The following CCDC149 variants were observed in gnomAD, a reference collection of about 807,000 sequenced individuals.
CCDC149 encodes the protein coiled-coil domain containing 149, also known as coiled-coil domain-containing protein 149.
In CCDC149, 45 loss-of-function variants were observed where a neutral mutation model predicts 59.9. That is an observed-to-expected ratio of 0.75 (90% confidence interval 0.59 to 0.96). The LOEUF (loss-of-function observed/expected upper bound fraction) is 0.96. Ranked by LOEUF, CCDC149 falls within the 40% of genes least tolerant of loss-of-function variation. The pLI is 0.00. For missense variants in CCDC149, 584 were observed against 664.7 expected, an observed-to-expected ratio of 0.88 and a Z score of 1.33; for synonymous variants, 245 against 260.6, an observed-to-expected ratio of 0.94 and a Z score of 0.58.
At chr4:24,897,742 T>C (rs1305052882) in intron 1 of CCDC149, among the ~76,000 whole-genome samples, 31 of 151,434 alleles carry the variant, frequency 2.0e-4, no homozygotes, top group Admixed American at 2.0e-3. Context: ...TGGGCACGAG[T>C]TTGGATTTGG....
rs181320366 is a variant in CCDC149, at chr4:24,927,850, A to G, written c.-64-32732T>C. Among the ~76,000 whole-genome samples, 185 of 151,962 alleles carry G rather than the reference A, an allele frequency of 1.2e-3. 1 individual carries two copies. The highest frequency in any genetic ancestry group is 1.9e-3 in the Non-Finnish European group (126 of 67,980). The stretch of plus-strand genomic sequence containing the variant: ...CCTTAGATCTTTACAGGGGATATAT[A>G]TATGCTTGGCTTGAAAAAAAACTCA... On this transcript the variant is annotated intron_variant, in intron 1 of 12. Coordinates refer to the CCDC149 transcript ENST00000389609.
chr4:24,814,630 T>C (rs1040438241), intron 12 of CCDC149, among the ~76,000 whole-genome samples: 4 of 152,216 alleles, frequency 2.6e-5, no homozygotes, highest in Admixed American at 1.3e-4. Context: ...TCCTGGGTGA[T>C]GTGGGTGCAC....
At chr4:24,815,103 T>C (rs562693977) in intron 12 of CCDC149, among the ~76,000 whole-genome samples, 11 of 152,360 alleles carry the variant, frequency 7.2e-5, no homozygotes, top group African/African-American at 1.7e-4. Flanking sequence ...TATTAAATGT[T>C]TGAATATATG....
At chr4:24,955,675 C>T (rs1316458916) in intron 1 of CCDC149, among the ~76,000 whole-genome samples, 1 of 151,982 alleles carries the variant, frequency 6.6e-6, no homozygotes, top group Middle Eastern at 3.2e-3. Flanking sequence ...TTAGAGCAGT[C>T]AAAATTATAG....
intron 2 of CCDC149, among the ~76,000 whole-genome samples, chr4:24,874,088 GAC>G (rs959128560): frequency 6.6e-6 from 1 of 151,944 alleles, no homozygotes; most frequent in Non-Finnish European, 1.5e-5. Context: ...CAGTGATGGG[GAC>G]ACACATACAC....
intron 12 of CCDC149, among the ~76,000 whole-genome samples, chr4:24,813,525 T>TATATATATATATATAA (rs1252452441): frequency 6.0e-5 from 5 of 83,018 alleles, no homozygotes; most frequent in Non-Finnish European, 1.3e-4. Context: ...TATATATATA[T>TATATATATATATATAA]ATAAAACCTA....
chr4:24,849,292 G>C (rs1412475120), intron 4 of CCDC149, among the ~76,000 whole-genome samples: 1 of 152,124 alleles, frequency 6.6e-6, no homozygotes, highest in Non-Finnish European at 1.5e-5. Context: ...GGCTTTGTGA[G>C]CCCTCCTTTT....
chr4:24,938,472 G>A (rs1032872917), intron 1 of CCDC149, among the ~76,000 whole-genome samples: 2 of 152,200 alleles, frequency 1.3e-5, no homozygotes, highest in Non-Finnish European at 2.9e-5. Context: ...CCCAGCGTAA[G>A]CGATGCAGAA....
Position 24,808,465 on chromosome 4 carries a change from G to C in CCDC149, c.1547C>G (p.Ala516Gly). The change falls in exon 13 of 13, where the codon GCA becomes GGA. Residue 516 changes from alanine (A) to glycine (G), a missense_variant. By Grantham distance (60) the Ala-to-Gly change is moderately conservative. Transcript: ENST00000635206. ...GTCTTCCGGTGTGGAAGCTTTGGCT[G>C]CTGGCCGGCTGGCCTCGAAGGAGTC... 6.8e-7 allele frequency: 1 copy of C among 1,467,878 alleles called. No individual in the cohort carries two copies. The highest frequency in any genetic ancestry group is 9.0e-7 in the Non-Finnish European group (1 of 1,109,112). The allele number at this position is 1,467,878 out of a possible 1,614,324, so 90.9% of individuals were successfully genotyped here.
intron 1 of CCDC149, among the ~76,000 whole-genome samples, chr4:24,883,813 C>G (rs190315800): frequency 1.3e-5 from 2 of 152,186 alleles, no homozygotes; most frequent in Non-Finnish European, 2.9e-5. Flanking sequence ...GGACAAGAAC[C>G]GCTTTCCCCA....
intron 12 of CCDC149, among the ~76,000 whole-genome samples, chr4:24,816,868 T>C (rs1011700699): frequency 5.9e-5 from 9 of 152,182 alleles, no homozygotes; most frequent in Non-Finnish European, 8.8e-5. Flanking sequence ...CGCTCCCCAC[T>C]GCCACTGGCC....
intron 9 of CCDC149, chr4:24,830,858 C>T (rs1716098459): frequency 6.6e-6 from 1 of 152,200 alleles, no homozygotes; most frequent in Non-Finnish European, 1.5e-5. Context: ...CAAAGCCAAC[C>T]CCATGTGTAG....
intron 3 of CCDC149, among the ~76,000 whole-genome samples, chr4:24,863,916 G>C (rs1321441512): frequency 2.6e-5 from 4 of 152,234 alleles, no homozygotes; most frequent in African/African-American, 9.6e-5. Flanking sequence ...CGGTAAGGAT[G>C]ACCCAAATGC....
chr4:24,950,959 G>C (rs1342607683), intron 1 of CCDC149, among the ~76,000 whole-genome samples: 2 of 152,174 alleles, frequency 1.3e-5, no homozygotes, highest in Non-Finnish European at 2.9e-5. Flanking sequence ...CTAGCATTTG[G>C]GAAACAGATT....
At chr4:24,913,263 C>T (rs1467348729), upstream of CCDC149, among the ~76,000 whole-genome samples, 1 of 152,154 alleles carries the variant, frequency 6.6e-6, no homozygotes, top group East Asian at 1.9e-4. Flanking sequence ...ACGGGCAGGC[C>T]TGTGTCCCCC....
chr4:24,905,163 T>C (rs1721400028), intron 1 of CCDC149, among the ~76,000 whole-genome samples: 1 of 151,936 alleles, frequency 6.6e-6, no homozygotes, highest in Admixed American at 6.6e-5. Flanking sequence ...CCTCCCAAAG[T>C]GCTGGGATTA....
At chr4:24,907,104 C>T (rs544494819) in intron 1 of CCDC149, among the ~76,000 whole-genome samples, 39 of 152,340 alleles carry the variant, frequency 2.6e-4, no homozygotes, top group Non-Finnish European at 4.6e-4. Flanking sequence ...AAAATTAAGG[C>T]ATTATAGCAA....
At chr4:24,953,503 A>C (rs1021163290) in intron 1 of CCDC149, among the ~76,000 whole-genome samples, 1 of 152,260 alleles carries the variant, frequency 6.6e-6, no homozygotes, top group Non-Finnish European at 1.5e-5. Context: ...GCACATGCTC[A>C]GAAAAGACCC....
chr4:24,878,840 C>G (rs1719649537), intron 1 of CCDC149, among the ~76,000 whole-genome samples: 1 of 152,194 alleles, frequency 6.6e-6, no homozygotes, highest in African/African-American at 2.4e-5. Context: ...AGTGGAAATT[C>G]AAGTTCCTTG....
Sources: allele counts gnomAD v4.1 joint callset (sites outside exome capture counted in the v4.1 genomes callset), GRCh38; gene constraint gnomAD v4.1.1; transcripts MANE v1.5; gene names NCBI Gene and HGNC (gene_info 2026-07-23, HGNC 2026-07-21).